Variants in RAD18 observed in about 807,000 individuals in gnomAD.
RAD18 encodes the protein RAD18 E3 ubiquitin protein ligase, also known as E3 ubiquitin-protein ligase RAD18.
Under a neutral mutation model 60.4 loss-of-function variants are expected in RAD18, and 47 were observed. The ratio of observed to expected loss-of-function variants is 0.78; its 90% confidence interval spans 0.62 to 0.99. The LOEUF (loss-of-function observed/expected upper bound fraction) is 0.99. Ranked by LOEUF, RAD18 falls within the 50% of genes least tolerant of loss-of-function variation. The pLI is 0.00. For synonymous variants in RAD18, 225 were observed against 195.5 expected (o/e 1.15, Z -1.26); for missense variants, 640 against 593.3 (o/e 1.08, Z -0.82).
chr3:8,911,651 C>CAAGAG (rs1307663473), intron 9 of RAD18, among the ~76,000 whole-genome samples: 2 of 152,156 alleles, frequency 1.3e-5, no homozygotes, highest in African/African-American at 4.8e-5. Flanking sequence ...CCTGGCCCTT[C>CAAGAG]AGAGTTTAAG....
intron 12 of RAD18, among the ~76,000 whole-genome samples, chr3:8,882,156 C>T (rs4389469): frequency 0.42 from 64,459 of 152,008 alleles, 14,164 homozygotes; most frequent in African/African-American, 0.56. Context: ...CCTGCCTGCT[C>T]TCCTGAATGC....
At chr3:8,916,206 T>C (rs553250439) in intron 7 of RAD18, among the ~76,000 whole-genome samples, 3 of 152,228 alleles carry the variant, frequency 2.0e-5, no homozygotes, top group Admixed American at 2.0e-4. Context: ...CCCTGACCCA[T>C]AGAGGACCCC....
At chr3:8,907,885 C>G (rs1024003125) in intron 9 of RAD18, among the ~76,000 whole-genome samples, 1 of 152,202 alleles carries the variant, frequency 6.6e-6, no homozygotes. Flanking sequence ...CTGCACAGAG[C>G]CTGCTCCCAC....
At chr3:8,903,351 G>A (rs1939947222) in intron 9 of RAD18, among the ~76,000 whole-genome samples, 1 of 152,112 alleles carries the variant, frequency 6.6e-6, no homozygotes, top group South Asian at 2.1e-4. Context: ...AGAACTAAGA[G>A]TATTTGCTGA....
chr3:8,956,033 T>TA, intron 2 of RAD18, among the ~76,000 whole-genome samples: 1 of 152,346 alleles, frequency 6.6e-6, no homozygotes, highest in South Asian at 2.1e-4. Context: ...AACATAGAAT[T>TA]AAAACAATAT....
intron 12 of RAD18, among the ~76,000 whole-genome samples, chr3:8,881,883 G>A (rs1163217600): frequency 6.6e-6 from 1 of 152,174 alleles, no homozygotes; most frequent in Admixed American, 6.5e-5. Flanking sequence ...CTCCAAAGAT[G>A]GGCCACACTT....
rs781567595 is a variant in RAD18, at chr3:8,877,303, T to C, written c.*4054A>G. On this transcript the variant is annotated 3_prime_UTR_variant, in exon 13 of 13. Coordinates refer to ENST00000264926, the MANE Select transcript of RAD18 (RefSeq NM_020165.4). Reference sequence around the variant, plus strand: ...TGAGGACTGCTCTCTGCTTCCAAGATGGTGTGTTGTTGCTGAGTCCTCCAG... The same window carrying C: ...TGAGGACTGCTCTCTGCTTCCAAGACGGTGTGTTGTTGCTGAGTCCTCCAG... The C allele has an allele frequency of 6.5e-6, 1 of 153,430 alleles. No individual in the cohort carries two copies. The highest frequency in any genetic ancestry group is 1.5e-5 in the Non-Finnish European group (1 of 68,618). The allele number at this position is 153,430 out of a possible 1,614,324, so 9.5% of individuals were successfully genotyped here.
chr3:8,924,458 T>G (rs998629756), intron 7 of RAD18, among the ~76,000 whole-genome samples: 1 of 143,640 alleles, frequency 7.0e-6, no homozygotes. Flanking sequence ...CACACAATAA[T>G]AATGGGAGAC....
chr3:8,891,434 T>G (rs1195749338), intron 11 of RAD18, among the ~76,000 whole-genome samples: 2 of 152,146 alleles, frequency 1.3e-5, no homozygotes, highest in African/African-American at 2.4e-5. Flanking sequence ...TCAATTTACC[T>G]AGGGGCTTTC....
At position 8,878,908 on chromosome 3, in the gene RAD18, A is replaced by G. The variant is rs973693823; in HGVS notation, c.*2449T>C. ...TACTGTAAGTTTGGTGAGAAACTGTATTTTCACTAAAAGGTGAATTTTAGA... is the reference window on the plus strand; with the variant it reads ...TACTGTAAGTTTGGTGAGAAACTGTGTTTTCACTAAAAGGTGAATTTTAGA... On this transcript the variant is annotated 3_prime_UTR_variant, in exon 13 of 13. Transcript: ENST00000264926. 2.6e-5 allele frequency: 4 copies of G among 152,180 alleles called. No homozygotes were observed. Among genetic ancestry groups the G allele is most frequent in the African/African-American group, 9.7e-5 (4 of 41,448 alleles). The allele number at this position is 152,180 out of a possible 1,614,324, so 9.4% of individuals were successfully genotyped here. A position where few individuals can be genotyped will look rare whatever the true frequency, so the allele number is the denominator to read the frequency against.
chr3:8,881,143 A>G lies in RAD18; in HGVS notation c.*214T>C. 4.1e-6 allele frequency: 2 copies of G among 491,620 alleles called. No homozygotes were observed. The highest frequency in any genetic ancestry group is 7.2e-6 in the Non-Finnish European group (2 of 276,760). The allele number at this position is 491,620 out of a possible 1,614,324, so 30.5% of individuals were successfully genotyped here. A position where few individuals can be genotyped will look rare whatever the true frequency, so the allele number is the denominator to read the frequency against. On this transcript the variant is annotated 3_prime_UTR_variant, in exon 13 of 13. Coordinates refer to ENST00000264926, the MANE Select transcript of RAD18 (RefSeq NM_020165.4). ...GTGTGAAATGTCAGTATTTTTAGAG[A>G]GAGATGTTTTAGAGGCAGGAGGCAA... is the stretch of plus-strand genomic sequence containing the variant.
intron 11 of RAD18, among the ~76,000 whole-genome samples, chr3:8,898,292 T>C (rs1010909695): frequency 6.6e-6 from 1 of 152,150 alleles, no homozygotes; most frequent in African/African-American, 2.4e-5. Flanking sequence ...TGGTTTCAAT[T>C]ACTTTTGTGC....
At chr3:8,881,649 G>A (rs1187346733) in intron 12 of RAD18, among the ~76,000 whole-genome samples, 190 bp from the exon 13 acceptor site, 1 of 152,202 alleles carries the variant, frequency 6.6e-6, no homozygotes, top group African/African-American at 2.4e-5. Context: ...AAAGATCACA[G>A]ATAGTAAATG....
chr3:8,918,055 T>G (rs1487375577), intron 7 of RAD18, among the ~76,000 whole-genome samples: 1 of 152,118 alleles, frequency 6.6e-6, no homozygotes, highest in Non-Finnish European at 1.5e-5. Context: ...CAGTGGGTCA[T>G]GCCTGTAATC....
intron 7 of RAD18, among the ~76,000 whole-genome samples, chr3:8,927,769 A>T (rs1940468646): frequency 6.6e-6 from 1 of 152,196 alleles, no homozygotes; most frequent in Non-Finnish European, 1.5e-5. Flanking sequence ...AGGGACATGG[A>T]TGAAGCTGGA....
chr3:8,893,524 C>T (rs1053807522), intron 11 of RAD18, among the ~76,000 whole-genome samples: 3 of 152,014 alleles, frequency 2.0e-5, no homozygotes, highest in African/African-American at 7.2e-5. Context: ...GTAAGACAAA[C>T]AATAGCTTAT....
intron 7 of RAD18, among the ~76,000 whole-genome samples, chr3:8,914,921 G>A (rs976761237): frequency 2.6e-5 from 4 of 152,058 alleles, no homozygotes; most frequent in Non-Finnish European, 5.9e-5. Flanking sequence ...GGTGGATCAC[G>A]AGGTCAGGAG....
At chr3:8,923,280 T>C (rs1227156760) in intron 7 of RAD18, among the ~76,000 whole-genome samples, 2 of 152,182 alleles carry the variant, frequency 1.3e-5, no homozygotes, top group Non-Finnish European at 2.9e-5. Flanking sequence ...CAAGCCTCAG[T>C]AGCCGATTCG....
At chr3:8,939,956 A>G (rs568757335) in intron 5 of RAD18, among the ~76,000 whole-genome samples, 2 of 152,342 alleles carry the variant, frequency 1.3e-5, no homozygotes, top group East Asian at 3.9e-4. Flanking sequence ...CTACCAAGGT[A>G]TGACCAAACT....
Sources: allele counts gnomAD v4.1 joint callset (sites outside exome capture counted in the v4.1 genomes callset), GRCh38; gene constraint gnomAD v4.1.1; transcripts MANE v1.5; gene names NCBI Gene and HGNC (gene_info 2026-07-23, HGNC 2026-07-21).